IMMP2L: variants seen among roughly 807,000 people sequenced by gnomAD.
The protein encoded by IMMP2L is inner mitochondrial membrane peptidase subunit 2.
Under a neutral mutation model 19.3 loss-of-function variants are expected in IMMP2L, and 18 were observed. The ratio of observed to expected loss-of-function variants is 0.93; its 90% CI spans 0.64 to 1.38. IMMP2L has a LOEUF of 1.38. Among genes scored for constraint, IMMP2L ranks in the 40% most tolerant of loss-of-function variants. The pLI, the probability that IMMP2L is intolerant of heterozygous loss-of-function variation, is 0.00. For synonymous variants in IMMP2L, 76 were observed against 73.0 expected (o/e 1.04, Z -0.21); for missense variants, 233 against 218.2 (o/e 1.07, Z -0.43).
At chr7:111,301,553 T>C (rs1261611656) in intron 3 of IMMP2L, among the ~76,000 whole-genome samples, 2 of 152,128 alleles carry the variant, frequency 1.3e-5, no homozygotes, top group Non-Finnish European at 2.9e-5. Flanking sequence ...CTAAAGATTT[T>C]AACCTATTTT....
intron 1 of IMMP2L, among the ~76,000 whole-genome samples, chr7:111,538,042 A>G (rs1184463377): frequency 3.9e-5 from 6 of 152,100 alleles, no homozygotes; most frequent in Admixed American, 2.6e-4. Context: ...CGACTCTCCA[A>G]ATCTGACTTA....
chr7:110,903,928 G>C (rs1812184095), intron 4 of IMMP2L, among the ~76,000 whole-genome samples: 1 of 152,010 alleles, frequency 6.6e-6, no homozygotes, highest in African/African-American at 2.4e-5. Context: ...ACAAGTGTGA[G>C]GTGGTATCTC....
chr7:110,889,736 A>G (rs976247451), intron 4 of IMMP2L, among the ~76,000 whole-genome samples: 1 of 152,178 alleles, frequency 6.6e-6, no homozygotes, highest in Non-Finnish European at 1.5e-5. Flanking sequence ...GAGCCAGCCT[A>G]TCTTGGCTTT....
chr7:111,304,889 C>T (rs765369367), intron 3 of IMMP2L, among the ~76,000 whole-genome samples: 22 of 151,770 alleles, frequency 1.4e-4, no homozygotes, highest in Admixed American at 5.9e-4. Context: ...CCAACACATT[C>T]AAAAAAATTG....
chr7:111,561,137 G>C (rs1230009053), intron 1 of IMMP2L, among the ~76,000 whole-genome samples: 1 of 152,172 alleles, frequency 6.6e-6, no homozygotes, highest in Admixed American at 6.5e-5. Flanking sequence ...TTAAAGAAGT[G>C]ATAGAAAAGT....
intron 5 of IMMP2L, among the ~76,000 whole-genome samples, chr7:110,842,757 T>C (rs1435934168): frequency 6.6e-6 from 1 of 152,188 alleles, no homozygotes; most frequent in African/African-American, 2.4e-5. Context: ...GGAATTTTCT[T>C]AGGAATCTTT....
intron 4 of IMMP2L, among the ~76,000 whole-genome samples, chr7:110,948,109 A>T (rs1017272121): frequency 3.9e-5 from 6 of 152,190 alleles, no homozygotes; most frequent in African/African-American, 1.4e-4. Context: ...TCAAAATCTG[A>T]TTAGTTCTGC....
Position 110,752,759 on chromosome 7 carries a change from G to T in IMMP2L, c.409-89038C>A, listed in dbSNP as rs550329064. Among the ~76,000 whole-genome samples the T allele has an allele frequency of 4.3e-4, 66 of 152,006 alleles. 1 individual carries two copies. The highest frequency in any genetic ancestry group is 3.2e-3 in the Middle Eastern group (1 of 316). ...TGGGGAAGAGAAGAGAAAACAGCTTGCCTAAAAGAAGAGGTTGGGTTGACA... is the reference window on the plus strand; with the variant it reads ...TGGGGAAGAGAAGAGAAAACAGCTTTCCTAAAAGAAGAGGTTGGGTTGACA... On this transcript the variant is annotated intron_variant, in intron 5 of 5. Transcript: ENST00000405709.
intron 5 of IMMP2L, among the ~76,000 whole-genome samples, chr7:110,829,027 T>C (rs907217859): frequency 2.0e-5 from 3 of 152,208 alleles, no homozygotes; most frequent in Non-Finnish European, 2.9e-5. Flanking sequence ...CAATACTTCA[T>C]ATATGTATGG....
At chr7:111,228,969 G>A (rs1163919253) in intron 3 of IMMP2L, among the ~76,000 whole-genome samples, 4 of 12,040 alleles carry the variant, frequency 3.3e-4, no homozygotes, top group African/African-American at 5.9e-4. Context: ...AGCAATGCGT[G>A]TGTGTGTGTG....
intron 3 of IMMP2L, among the ~76,000 whole-genome samples, chr7:111,039,865 C>T (rs980787033): frequency 1.2e-4 from 18 of 152,068 alleles, no homozygotes; most frequent in African/African-American, 4.3e-4. Flanking sequence ...ACATGCAGAC[C>T]CAACTATAAA....
At chr7:111,223,550 C>T (rs567170924) in intron 3 of IMMP2L, among the ~76,000 whole-genome samples, 28 of 152,118 alleles carry the variant, frequency 1.8e-4, no homozygotes, top group African/African-American at 6.7e-4. Context: ...TCTTCAAAAC[C>T]CTTTTTCATT....
At chr7:110,938,661 G>A (rs1185813345) in intron 4 of IMMP2L, among the ~76,000 whole-genome samples, 1 of 152,000 alleles carries the variant, frequency 6.6e-6, no homozygotes, top group African/African-American at 2.4e-5. Context: ...GATGGGTACA[G>A]TAAAAGCCCA....
chr7:110,804,549 C>T (rs1289289730), intron 5 of IMMP2L, among the ~76,000 whole-genome samples: 3 of 152,088 alleles, frequency 2.0e-5, no homozygotes, highest in Non-Finnish European at 4.4e-5. Context: ...CCCCTCAATG[C>T]ATTCTCCTAG....
At chr7:110,851,242 G>T (rs1020655313) in intron 5 of IMMP2L, among the ~76,000 whole-genome samples, 4 of 152,156 alleles carry the variant, frequency 2.6e-5, no homozygotes, top group Middle Eastern at 3.4e-3. Flanking sequence ...AAGTTCACAG[G>T]TACACAAAGA....
Position 111,170,211 on chromosome 7 carries a change from G to A in IMMP2L, c.240-206646C>T, listed in dbSNP as rs533252032. On this transcript the variant is annotated intron_variant, in intron 3 of 5. Transcript: ENST00000405709. ...TAAAAGAATATAAGGTCTCTCTCTC[G>A]TTAGTCTTGTTAGTATTATTTTTTC... is the stretch of plus-strand genomic sequence containing the variant. Among the ~76,000 whole-genome samples, 50 of 151,840 alleles carry A rather than the reference G, an allele frequency of 3.3e-4. 2 individuals are homozygous for A. Among genetic ancestry groups the A allele is most frequent in the African/African-American group, 8.9e-4 (37 of 41,476 alleles).
intron 3 of IMMP2L, among the ~76,000 whole-genome samples, chr7:111,410,698 A>G (rs144890009): frequency 3.3e-3 from 502 of 152,008 alleles, no homozygotes; most frequent in Non-Finnish European, 6.3e-3. Context: ...AAATATGAAC[A>G]TAACGAGAAG....
chr7:111,484,049 T>G (rs948079220), intron 3 of IMMP2L, among the ~76,000 whole-genome samples: 1 of 152,194 alleles, frequency 6.6e-6, no homozygotes, highest in Non-Finnish European at 1.5e-5. Flanking sequence ...GTACAAAGCT[T>G]ACAAGCTTTT....
At chr7:110,901,461 G>T (rs59078022) in intron 4 of IMMP2L, among the ~76,000 whole-genome samples, 1 of 152,082 alleles carries the variant, frequency 6.6e-6, no homozygotes. Flanking sequence ...GATATCTTCA[G>T]GTAACACAGT....
Sources: gnomAD v4.1 joint callset for allele counts (sites outside exome capture counted in the v4.1 genomes callset) on GRCh38, gnomAD v4.1.1 for gene constraint, MANE v1.5 for transcripts, NCBI Gene and HGNC (gene_info 2026-07-23, HGNC 2026-07-21) for gene names.